CNTN3: variants seen among roughly 807,000 people sequenced by gnomAD.
The protein encoded by CNTN3 is contactin-3.
CNTN3 carries 60 observed loss-of-function variants against 119.1 expected under a neutral mutation model. The ratio of observed to expected loss-of-function variants is 0.50; its 90% CI spans 0.41 to 0.62. The LOEUF is 0.62. Ranked by LOEUF, CNTN3 falls within the 20% of genes least tolerant of loss-of-function variation. The pLI is 0.00. For synonymous variants in CNTN3, 450 were observed against 438.7 expected (o/e 1.03, Z -0.32); for missense variants, 1,101 against 1,242.4 (o/e 0.89, Z 1.71).
intron 19 of CNTN3, among the ~76,000 whole-genome samples, chr3:74,285,790 G>GATATATATATAT (rs71129738): frequency 5.8e-4 from 33 of 56,542 alleles, no homozygotes; most frequent in East Asian, 1.1e-3. Context: ...ATGAAGGGGA[G>GATATATATATAT]ATATATATAT....
At chr3:74,570,470 C>T (rs1704295124) in intron 1 of CNTN3, among the ~76,000 whole-genome samples, 1 of 146,624 alleles carries the variant, frequency 6.8e-6, no homozygotes, top group Non-Finnish European at 1.5e-5. Context: ...TCTTAGAGAA[C>T]TGGCTCTCTC....
chr3:74,500,337 A>G (rs928665599), intron 2 of CNTN3, among the ~76,000 whole-genome samples: 4 of 152,056 alleles, frequency 2.6e-5, no homozygotes, highest in African/African-American at 9.7e-5. Flanking sequence ...TACTTTGGCT[A>G]AGAGAACTTG....
chr3:74,568,945 G>A (rs1704268461), intron 1 of CNTN3, among the ~76,000 whole-genome samples: 2 of 152,124 alleles, frequency 1.3e-5, no homozygotes, highest in African/African-American at 4.8e-5. Flanking sequence ...TTTGGGTCTT[G>A]GACTTTAATG....
chr3:74,469,015 G>A (rs1270563361), intron 4 of CNTN3, among the ~76,000 whole-genome samples: 3 of 152,062 alleles, frequency 2.0e-5, no homozygotes, highest in Non-Finnish European at 4.4e-5. Context: ...TTAAAAAAAA[G>A]AAGAGAAAAA....
intron 1 of CNTN3, among the ~76,000 whole-genome samples, chr3:74,548,186 T>C (rs1441443428): frequency 6.6e-6 from 1 of 152,196 alleles, no homozygotes; most frequent in Admixed American, 6.5e-5. Context: ...GTTACACCAA[T>C]CTAATTGTCT....
intron 2 of CNTN3, among the ~76,000 whole-genome samples, chr3:74,505,050 T>A (rs1703232401): frequency 6.6e-6 from 1 of 152,058 alleles, no homozygotes; most frequent in Admixed American, 6.6e-5. Context: ...TCTCCCTGTA[T>A]CTCTCTTCAT....
At chr3:74,431,386 T>C (rs1701780775) in intron 4 of CNTN3, among the ~76,000 whole-genome samples, 1 of 152,174 alleles carries the variant, frequency 6.6e-6, no homozygotes, top group African/African-American at 2.4e-5. Context: ...CCACTTGGTA[T>C]AACTGCAGGG....
At chr3:74,517,962 A>G (rs1246811156) in intron 2 of CNTN3, among the ~76,000 whole-genome samples, 1 of 151,934 alleles carries the variant, frequency 6.6e-6, no homozygotes, top group Non-Finnish European at 1.5e-5. Context: ...TGAGTACTTT[A>G]AGACAGCTTA....
intron 19 of CNTN3, 96 bp downstream of exon 19, chr3:74,295,025 G>T: frequency 1.3e-6 from 1 of 761,684 alleles, no homozygotes; most frequent in Non-Finnish European, 2.1e-6. Context: ...GCCAAAGACA[G>T]ACTTCAAATA....
intron 13 of CNTN3, among the ~76,000 whole-genome samples, chr3:74,315,064 C>T (rs944852832): frequency 6.6e-6 from 1 of 152,166 alleles, no homozygotes; most frequent in Non-Finnish European, 1.5e-5. Flanking sequence ...TAAAAGTGAC[C>T]TTTGGTCATC....
intron 2 of CNTN3, among the ~76,000 whole-genome samples, chr3:74,513,255 T>A (rs1703399642): frequency 6.6e-6 from 1 of 152,142 alleles, no homozygotes; most frequent in African/African-American, 2.4e-5. Context: ...AAAACTTTAA[T>A]CGTACCAGTG....
intron 1 of CNTN3, among the ~76,000 whole-genome samples, chr3:74,532,983 T>C (rs1052091452): frequency 2.0e-5 from 3 of 151,972 alleles, no homozygotes; most frequent in South Asian, 2.1e-4. Flanking sequence ...GAAAAGGGAA[T>C]AGAAGTGATG....
intron 4 of CNTN3, among the ~76,000 whole-genome samples, chr3:74,479,992 G>A (rs1344144436): frequency 6.6e-6 from 1 of 151,966 alleles, no homozygotes; most frequent in African/African-American, 2.4e-5. Flanking sequence ...ATGCATGAAA[G>A]GAAAAATATT....
At position 74,366,748 on chromosome 3, in the gene CNTN3, A is replaced by ATG. The variant is rs1285840377; in HGVS notation, c.947-1048_947-1047dup. Among the ~76,000 whole-genome samples the ATG allele has an allele frequency of 8.3e-4, 95 of 115,066 alleles. 1 individual carries two copies. The East Asian group carries it at 0.023, about 28-fold the overall frequency. The allele number at this position is 115,066 out of a possible 152,430, so 75.5% of individuals were successfully genotyped here. A position where few individuals can be genotyped will look rare whatever the true frequency, so the allele number is the denominator to read the frequency against. On this transcript the variant is annotated intron_variant, in intron 8 of 22. Coordinates refer to ENST00000263665, the MANE Select transcript of CNTN3 (RefSeq NM_020872.3). ...TGTATTCATCTAAGTTTTCTCTTTTATGTGTGTGTGCGTGTGTGTGTGTGT... is the reference window on the plus strand; with the variant it reads ...TGTATTCATCTAAGTTTTCTCTTTTATGTGTGTGTGTGCGTGTGTGTGTGTGT...
At chr3:74,587,072 G>T (rs1179784625) in intron 1 of CNTN3, among the ~76,000 whole-genome samples, 1 of 151,926 alleles carries the variant, frequency 6.6e-6, no homozygotes, top group African/African-American at 2.4e-5. Context: ...CAGTCAAAAA[G>T]AATTAATTTT....
At chr3:74,338,732 T>C (rs1254267669) in intron 11 of CNTN3, among the ~76,000 whole-genome samples, 3 of 152,166 alleles carry the variant, frequency 2.0e-5, no homozygotes, top group South Asian at 2.1e-4. Flanking sequence ...GTTATGCATA[T>C]GATTTTTTTA....
rs146941738 is a variant in CNTN3, at chr3:74,428,056, G to A, written c.359-3116C>T. Among the ~76,000 whole-genome samples the A allele has an allele frequency of 6.6e-3, 997 of 152,102 alleles. 17 individuals carry two copies. The highest frequency in any genetic ancestry group is 0.023 in the African/African-American group (959 of 41,472). On this transcript the variant is annotated intron_variant, in intron 4 of 22. Coordinates refer to ENST00000263665, the MANE Select transcript of CNTN3 (RefSeq NM_020872.3). The stretch of plus-strand genomic sequence containing the variant: ...CCATATTTACAACAGTGATATCATA[G>A]GCATCATGACATAGTAGTGAAATAT...
chr3:74,382,037 C>A (rs1051245996), intron 5 of CNTN3, among the ~76,000 whole-genome samples: 1 of 152,006 alleles, frequency 6.6e-6, no homozygotes, highest in African/African-American at 2.4e-5. Flanking sequence ...GGAGAAACCA[C>A]GTTTCTACTA....
intron 13 of CNTN3, among the ~76,000 whole-genome samples, chr3:74,330,239 C>T (rs908178631): frequency 2.6e-5 from 4 of 151,840 alleles, no homozygotes; most frequent in Non-Finnish European, 4.4e-5. Context: ...GCCGGTAGTC[C>T]CAGCTAGTAG....
Sources: allele counts gnomAD v4.1 joint callset (sites outside exome capture counted in the v4.1 genomes callset), GRCh38; gene constraint gnomAD v4.1.1; transcripts MANE v1.5; gene names NCBI Gene and HGNC (gene_info 2026-07-23, HGNC 2026-07-21).